The following CACNA1S variants were observed in gnomAD, a reference collection of about 807,000 sequenced individuals.
The protein encoded by CACNA1S is calcium voltage-gated channel subunit alpha1 S.
In CACNA1S, 126 loss-of-function variants were observed where a neutral mutation model predicts 207.4. That is an observed-to-expected ratio of 0.61 (90% confidence interval 0.53 to 0.70). The LOEUF (loss-of-function observed/expected upper bound fraction) is 0.70, where lower values mean the gene tolerates loss of function less well. Ranked by LOEUF, CACNA1S falls within the 30% of genes least tolerant of loss-of-function variation. The probability of loss-of-function intolerance (pLI) is 0.00; values close to 1 mark genes in which losing one functional copy is unlikely to be tolerated. For synonymous variants in CACNA1S, 960 were observed against 932.7 expected, an observed-to-expected ratio of 1.03 and a Z score of -0.53; for missense variants, 2,349 against 2,422.8, an observed-to-expected ratio of 0.97 and a Z score of 0.64.
At chr1:201,075,442 T>G in intron 13 of CACNA1S, 53 bp downstream of exon 13, 6 of 1,599,722 alleles carry the variant, frequency 3.8e-6, no homozygotes, top group Middle Eastern at 1.9e-4. Context: ...TTTAAGCCCT[T>G]TCCCCCACCC....
intron 22 of CACNA1S, 136 bp from the exon 23 acceptor site, chr1:201,062,650 T>C: frequency 1.3e-6 from 1 of 770,054 alleles, no homozygotes; most frequent in African/African-American, 1.7e-5. Context: ...AGCCCATCTC[T>C]TCCTCTCAGA....
At position 201,043,352 on chromosome 1, in the gene CACNA1S, G is replaced by T. The variant is rs1429755956; in HGVS notation, c.4977C>A (p.Ala1659=). ...QDPRTNPLAR[A]NTNNANANVA... ...CATTGGCGTTGGCATTGTTGGTATT[G>T]GCACGAGCCAGGGGGTTGGTGCGTG... is the stretch of plus-strand genomic sequence containing the variant. Residue 1659 remains alanine (A), a synonymous_variant, in exon 40 of 44, where the codon GCC becomes GCA. Coordinates refer to ENST00000362061, the MANE Select transcript of CACNA1S (RefSeq NM_000069.3). 6.2e-7 allele frequency: 1 copy of T among 1,614,194 alleles called. No homozygotes were observed. The highest frequency in any genetic ancestry group is 8.5e-7 in the Non-Finnish European group (1 of 1,180,038).
chr1:201,053,156 C>T lies in CACNA1S; in HGVS notation c.3861+53G>A. 6.3e-7 allele frequency: 1 copy of T among 1,599,780 alleles called. No homozygotes were observed. The highest frequency in any genetic ancestry group is 8.6e-7 in the Non-Finnish European group (1 of 1,167,014). On this transcript the variant is annotated intron_variant, in intron 31 of 43. Transcript: ENST00000362061. This position sits in a 1 kb window ranked among gnomAD's most constrained non-coding sequence, Gnocchi z 5.1. ...AGGCTCCTCAGGGTCCACTGATGCC[C>T]CCTCTAACTTGGCCAAGATCCATGC...
chr1:201,052,743 G>A (rs1417167234), intron 31 of CACNA1S, 95 bp from the exon 32 acceptor site: 50 of 1,024,364 alleles, frequency 4.9e-5, no homozygotes, highest in South Asian at 2.1e-4. Context: ...CCCTACCTTC[G>A]CCCCTACTTC....
rs140662085 is a variant in CACNA1S, at chr1:201,077,951, G to C, written c.1547C>G (p.Ser516Trp). 12 of 1,614,022 alleles carry C rather than the reference G, an allele frequency of 7.4e-6. No individual in the cohort carries two copies. Among genetic ancestry groups the C allele is most frequent in the Non-Finnish European group, 1.0e-5 (12 of 1,179,986 alleles). Residue 516 changes from serine to tryptophan, a missense_variant, in exon 11 of 44, where the codon TCG (serine) becomes TGG (tryptophan). By Grantham distance (177) the Ser-to-Trp change is radical. Transcript: ENST00000362061. Reference sequence around the variant, plus strand: ...GATGCCCAGGGGTGTCATGGCACCCGACTCCACCAGCAGGATCTCCAGGAT... The same window carrying C: ...GATGCCCAGGGGTGTCATGGCACCCCACTCCACCAGCAGGATCTCCAGGAT... ...SGILEILLVESGAMTPLGISV... is the reference protein window; with the variant it reads ...SGILEILLVEWGAMTPLGISV...
At chr1:201,052,454 G>T in intron 32 of CACNA1S, 103 bp downstream of exon 32, 2 of 885,262 alleles carry the variant, frequency 2.3e-6, no homozygotes, top group Non-Finnish European at 3.8e-6. Flanking sequence ...GGCTGCACAG[G>T]TCACACACCC....
At chr1:201,069,626 A>G in intron 17 of CACNA1S, 25 bp from the exon 18 acceptor site, 1 of 1,550,640 alleles carries the variant, frequency 6.4e-7, no homozygotes, top group Non-Finnish European at 8.7e-7. Flanking sequence ...TAGGGAGGGC[A>G]GGGGAGCTGT....
chr1:201,081,178 T>A (rs1558074417), intron 10 of CACNA1S, among the ~76,000 whole-genome samples: 1 of 152,176 alleles, frequency 6.6e-6, no homozygotes, highest in Non-Finnish European at 1.5e-5. Flanking sequence ...GGGCCCTGTC[T>A]CCAGCCCTGC....
intron 11 of CACNA1S, 57 bp from the exon 12 acceptor site, chr1:201,077,184 G>A (rs1242245238): frequency 1.2e-5 from 18 of 1,464,164 alleles, no homozygotes; most frequent in Admixed American, 1.0e-4. Flanking sequence ...TGGGGCCCAC[G>A]AGGTGTGGAC....
rs540448406 is a variant in CACNA1S at position 201,048,604 on chromosome 1, C to G, written c.4419G>C (p.Thr1473=). ...FNATLFALVR[T]ALKIKTEGNF... ...CACCTTCCGTCTTGATCTTGAGTGC[C>G]GTGCGGACCAGGGCAAAGAGTGTGG... Residue 1473 remains threonine, a synonymous_variant, in exon 36 of 44, where the codon ACG becomes ACC. Coordinates refer to ENST00000362061, the MANE Select transcript of CACNA1S (RefSeq NM_000069.3). 86 of 1,613,918 alleles carry G rather than the reference C, an allele frequency of 5.3e-5. 1 individual carries two copies. In the South Asian group the frequency reaches 9.0e-4, roughly 17 times the overall value.
At chr1:201,060,839 G>A (rs1218570053) in intron 25 of CACNA1S, 23 bp from the exon 26 acceptor site, 5 of 1,613,920 alleles carry the variant, frequency 3.1e-6, no homozygotes, top group South Asian at 1.1e-5. Flanking sequence ...CAACAGGACA[G>A]GTCAGCACCA....
In CACNA1S at chr1:201,044,408, T is replaced by C; in HGVS notation, c.4717A>G (p.Thr1573Ala). The C allele has an allele frequency of 6.2e-7, 1 of 1,613,656 alleles. No individual in the cohort carries two copies. Among genetic ancestry groups the C allele is most frequent in the Non-Finnish European group, 8.5e-7 (1 of 1,179,916 alleles). ...EEEAAPEICR[T>A]VSGDLAAEEE... ...TCAGCAGCCAGGTCTCCTGAGACCGTGCGACAGATCTCGGGGGCTGCCTCT... is the reference window on the plus strand; with the variant it reads ...TCAGCAGCCAGGTCTCCTGAGACCGCGCGACAGATCTCGGGGGCTGCCTCT... Residue 1573 changes from threonine to alanine, a missense_variant, in exon 39 of 44, where the codon ACG becomes GCG. Coordinates refer to ENST00000362061, the MANE Select transcript of CACNA1S (RefSeq NM_000069.3).
chr1:201,071,065 C>T (rs1661423599), intron 16 of CACNA1S, among the ~76,000 whole-genome samples: 1 of 152,128 alleles, frequency 6.6e-6, no homozygotes, highest in African/African-American at 2.4e-5. Flanking sequence ...CTCATGACCT[C>T]AAGAGGAAGC....
intron 23 of CACNA1S, 21 bp downstream of exon 23, chr1:201,062,441 T>C: frequency 6.2e-7 from 1 of 1,610,460 alleles, no homozygotes; most frequent in Non-Finnish European, 8.5e-7. Context: ...ACCGTCCCAC[T>C]GTGCTCCCTG....
Position 201,043,552 on chromosome 1 carries a change from AG to A in CACNA1S, c.4798-22del, listed in dbSNP as rs577436369. ...GTCCTCTAGGGGCAAGGAGAAGAGCAGTGACTGGGGGTGAGGGCAGGGAGGG... is the reference window on the plus strand; with the variant it reads ...GTCCTCTAGGGGCAAGGAGAAGAGCATGACTGGGGGTGAGGGCAGGGAGGG... On this transcript the variant is annotated intron_variant, in intron 39 of 43. Coordinates refer to ENST00000362061, the MANE Select transcript of CACNA1S (RefSeq NM_000069.3). 8.2e-5 allele frequency: 132 copies of A among 1,611,714 alleles called. No homozygotes were observed. The African/African-American group carries it at 1.5e-3, about 18-fold the overall frequency.
In CACNA1S at chr1:201,065,932, C is replaced by T. The variant is rs910077659; in HGVS notation, c.2759G>A (p.Cys920Tyr). Residue 920 changes from cysteine (C) to tyrosine (Y), a missense_variant, in exon 22 of 44, where the codon TGC (cysteine) becomes TAC (tyrosine). Transcript: ENST00000362061. Reference sequence around the variant, plus strand: ...GATGGTGCTGATGGCCACGAACATGCACTGCACCACGTGCTGGGGACAGAG... The same window carrying T: ...GATGGTGCTGATGGCCACGAACATGTACTGCACCACGTGCTGGGGACAGAG... ...RAKGLKHVVQ[C>Y]MFVAISTIGN... 3.1e-6 allele frequency: 5 copies of T among 1,611,988 alleles called. No individual in the cohort carries two copies. Among genetic ancestry groups the T allele is most frequent in the African/African-American group, 1.3e-5 (1 of 74,876 alleles).
At chr1:201,068,957 T>C (rs1285896360) in intron 19 of CACNA1S, among the ~76,000 whole-genome samples, 180 bp downstream of exon 19, 2 of 152,156 alleles carry the variant, frequency 1.3e-5, no homozygotes, top group Admixed American at 1.3e-4. Flanking sequence ...TGGCTGGGCT[T>C]TACTTTCCAG....
At chr1:201,110,110 C>T in intron 2 of CACNA1S, 54 bp downstream of exon 2, 1 of 1,535,672 alleles carries the variant, frequency 6.5e-7, no homozygotes, top group South Asian at 1.1e-5. Context: ...AGGGGGCCTC[C>T]CCAAGCCTGG....
At chr1:201,097,202 C>T (rs561050598) in intron 2 of CACNA1S, among the ~76,000 whole-genome samples, 42 of 152,268 alleles carry the variant, frequency 2.8e-4, no homozygotes, top group African/African-American at 7.5e-4. Flanking sequence ...AGTGGTCCAC[C>T]GCCACCCACG....
Sources: allele counts gnomAD v4.1 joint callset (sites outside exome capture counted in the v4.1 genomes callset), GRCh38; gene constraint gnomAD v4.1.1; non-coding constraint Gnocchi (gnomAD v3.1); transcripts MANE v1.5; gene names NCBI Gene and HGNC (gene_info 2026-07-23, HGNC 2026-07-21).